The following MEGF6 variants were observed in gnomAD, a reference collection of about 807,000 sequenced individuals.
MEGF6 encodes the protein multiple EGF like domains 6.
MEGF6 carries 184 observed loss-of-function variants against 207.1 expected under a neutral mutation model. The observed-to-expected ratio is 0.89, with a 90% CI of 0.79 to 1.00. The LOEUF (loss-of-function observed/expected upper bound fraction) is 1.00. Ranked by LOEUF, MEGF6 falls within the 50% of genes least tolerant of loss-of-function variation. The pLI, the probability that MEGF6 is intolerant of heterozygous loss-of-function variation, is 0.00. For synonymous variants in MEGF6, 1,038 were observed against 910.0 expected (o/e 1.14, Z -2.53); for missense variants, 2,282 against 2,202.9 (o/e 1.04, Z -0.72).
chr1:3,526,744 G>A (rs952209987), intron 4 of MEGF6, among the ~76,000 whole-genome samples: 3 of 152,158 alleles, frequency 2.0e-5, no homozygotes, highest in Non-Finnish European at 4.4e-5. Flanking sequence ...CTGCAGCCGG[G>A]TTCACAGATC....
chr1:3,623,339 C>G, the MEGF6 span: 1 of 152,418 alleles, frequency 6.6e-6, no homozygotes, highest in Non-Finnish European at 1.5e-5. Flanking sequence ...TATTCTCCCA[C>G]TCACCAGCAC....
In MEGF6 at chr1:3,496,762, C is replaced by T; in HGVS notation, c.3635G>A (p.Gly1212Glu). The T allele has an allele frequency of 1.5e-5, 24 of 1,559,136 alleles. No individual in the cohort carries two copies. Among genetic ancestry groups the T allele is most frequent in the Non-Finnish European group, 2.0e-5 (23 of 1,151,926 alleles). The change falls in exon 29 of 37, where the codon GGG (glycine) becomes GAG (glutamate). Residue 1212 changes from glycine (G) to glutamate (E), a missense_variant. By Grantham distance (98) the Gly-to-Glu change is moderately conservative. Coordinates refer to ENST00000356575, the MANE Select transcript of MEGF6 (RefSeq NM_001409.4). ...CQQRCPPGRY[G>E]PGCEQLCGCL... is the part of the protein sequence containing the mutation. ...CCCACACAGCTGTTCACAGCCTGGC[C>T]CATACCGCCCGGGCGGACATCCTGC...
intron 4 of MEGF6, among the ~76,000 whole-genome samples, chr1:3,537,107 A>G (rs943020741): frequency 1.1e-4 from 16 of 152,208 alleles, no homozygotes; most frequent in Non-Finnish European, 2.9e-5. Flanking sequence ...CTGTGGGCAT[A>G]GTGGGGGCTG....
chr1:3,584,793 T>C (rs1396554128), intron 3 of MEGF6, among the ~76,000 whole-genome samples: 1 of 152,212 alleles, frequency 6.6e-6, no homozygotes, highest in Admixed American at 6.5e-5. Context: ...GGTAGGTCTC[T>C]GCCCGCAAGC....
intron 1 of MEGF6, among the ~76,000 whole-genome samples, chr1:3,605,567 CACAT>C (rs1644236378): frequency 6.6e-6 from 1 of 151,138 alleles, no homozygotes; most frequent in South Asian, 2.1e-4. Flanking sequence ...CTCATACACT[CACAT>C]ACACACACAT....
At chr1:3,596,794 C>T (rs1233957452) in intron 2 of MEGF6, among the ~76,000 whole-genome samples, 1 of 151,992 alleles carries the variant, frequency 6.6e-6, no homozygotes, top group Non-Finnish European at 1.5e-5. Context: ...GAGCATTTGG[C>T]AAGGGGCCTG....
At position 3,499,206 on chromosome 1, in the gene MEGF6, GC is replaced by G; in HGVS notation, c.3025del (p.Ala1009ProfsTer265). 1 of 1,604,848 alleles carries G rather than the reference GC, an allele frequency of 6.2e-7. No individual in the cohort carries two copies. The highest frequency in any genetic ancestry group is 8.5e-7 in the Non-Finnish European group (1 of 1,176,900). Reference sequence around the variant, plus strand: ...CTGCCCGTGGACAGGGTCACAGGAGGCCCCGTTAAAGCAGGCACAGGCCTGG... The same window carrying G: ...CTGCCCGTGGACAGGGTCACAGGAGGCCCGTTAAAGCAGGCACAGGCCTGG... ...CSQACACFNG[A>X]SCDPVHGQCH... On this transcript the variant is annotated frameshift_variant, in exon 24 of 37. Coordinates refer to ENST00000356575, the MANE Select transcript of MEGF6 (RefSeq NM_001409.4). LOFTEE classifies it high-confidence loss of function.
At chr1:3,562,980 T>C (rs1406380252) in intron 4 of MEGF6, among the ~76,000 whole-genome samples, 2 of 151,916 alleles carry the variant, frequency 1.3e-5, no homozygotes, top group African/African-American at 4.8e-5. Context: ...GAGGAAGGCT[T>C]TCAGGCACCT....
At position 3,527,341 on chromosome 1, in the gene MEGF6, C is replaced by T. The variant is rs559200132; in HGVS notation, c.482-3095G>A. On this transcript the variant is annotated intron_variant, in intron 4 of 36. Transcript: ENST00000356575. ...CTATGGAAACCCTGCTGCCCATCCACGCTCTGAGAATGTGCCTGCAACCCA... is the reference window on the plus strand; with the variant it reads ...CTATGGAAACCCTGCTGCCCATCCATGCTCTGAGAATGTGCCTGCAACCCA... 6.4e-4 allele frequency among the ~76,000 whole-genome samples: 97 copies of T among 152,366 alleles called. No homozygotes were observed. The South Asian group carries it at 0.013, about 20-fold the overall frequency.
rs752597392 is a variant in MEGF6, at chr1:3,611,278, C to A, written c.-10G>T. ...CTTCAAGGAACGACATCGTGCGCGC[C>A]GGTGCCTCCTCCGCTCTCCGGCTCA... On this transcript the variant is annotated 5_prime_UTR_variant, in exon 1 of 37. Transcript: ENST00000356575. 6 of 1,458,336 alleles carry A rather than the reference C, an allele frequency of 4.1e-6. No individual in the cohort carries two copies. In the South Asian group the frequency reaches 8.4e-5, roughly 20 times the overall value. The allele number at this position is 1,458,336 out of a possible 1,614,324, so 90.3% of individuals were successfully genotyped here. A position where few individuals can be genotyped will look rare whatever the true frequency, so the allele number is the denominator to read the frequency against.
chr1:3,492,917 G>T, intron 34 of MEGF6, 150 bp from the exon 35 acceptor site: 1 of 1,102,986 alleles, frequency 9.1e-7, no homozygotes, highest in South Asian at 1.6e-5. Flanking sequence ...TTGGGCCTCG[G>T]TTTCCCCTGA....
At chr1:3,578,424 T>G (rs1228181656) in intron 4 of MEGF6, among the ~76,000 whole-genome samples, 1 of 152,114 alleles carries the variant, frequency 6.6e-6, no homozygotes, top group Non-Finnish European at 1.5e-5. Context: ...GGACCCCACC[T>G]GTCCTCGGAA....
intron 4 of MEGF6, among the ~76,000 whole-genome samples, chr1:3,526,352 C>G (rs1641962429): frequency 6.6e-6 from 1 of 152,108 alleles, no homozygotes; most frequent in South Asian, 2.1e-4. Context: ...TGGGCATTGC[C>G]CCAGCCACCG....
chr1:3,565,958 G>GC lies in MEGF6; in HGVS notation c.481+13866dup, dbSNP rs1557780661. On this transcript the variant is annotated intron_variant, in intron 4 of 36. Coordinates refer to ENST00000356575, the MANE Select transcript of MEGF6 (RefSeq NM_001409.4). This position sits in a 1 kb window ranked among gnomAD's most constrained non-coding sequence, Gnocchi z 4.8. Reference sequence around the variant, plus strand: ...CTCAGGGTCAGCTGCTATAGGACCCGCCGTGGACCACTGCCCTGCAGGTTC... The same window carrying GC: ...CTCAGGGTCAGCTGCTATAGGACCCGCCCGTGGACCACTGCCCTGCAGGTTC... Among the ~76,000 whole-genome samples, 2 of 152,266 alleles carry GC rather than the reference G, an allele frequency of 1.3e-5. No homozygotes were observed. The highest frequency in any genetic ancestry group is 4.8e-5 in the African/African-American group (2 of 41,564).
At chr1:3,584,589 C>T (rs1003704187) in intron 3 of MEGF6, among the ~76,000 whole-genome samples, 5 of 152,226 alleles carry the variant, frequency 3.3e-5, no homozygotes, top group Admixed American at 1.3e-4. Context: ...TGGTGACTGG[C>T]GCCACGTCTG....
At chr1:3,616,582 G>T in the MEGF6 span, among the ~76,000 whole-genome samples, 3 of 151,720 alleles carry the variant, frequency 2.0e-5, no homozygotes, top group African/African-American at 7.3e-5. Context: ...GGAGGCCGGG[G>T]GTGAGAGACG....
intron 2 of MEGF6, among the ~76,000 whole-genome samples, chr1:3,599,231 G>A (rs1254144945): frequency 1.3e-5 from 2 of 152,212 alleles, no homozygotes; most frequent in Admixed American, 6.5e-5. Flanking sequence ...AGGCTTTGGC[G>A]GGTTCCCACC....
At position 3,490,393 on chromosome 1, in the gene MEGF6, C is replaced by T; in HGVS notation, c.*135G>A. Reference sequence around the variant, plus strand: ...GAGCGACAGGTTGCTGGGCTGTCCACAGCCCTCCACGGCCCTCAAAGGAAG... The same window carrying T: ...GAGCGACAGGTTGCTGGGCTGTCCATAGCCCTCCACGGCCCTCAAAGGAAG... On this transcript the variant is annotated 3_prime_UTR_variant, in exon 37 of 37. Transcript: ENST00000356575. 3 of 989,782 alleles carry T rather than the reference C, an allele frequency of 3.0e-6. No individual in the cohort carries two copies. The highest frequency in any genetic ancestry group is 2.9e-5 in the South Asian group (2 of 68,070). The allele number at this position is 989,782 out of a possible 1,614,324, so 61.3% of individuals were successfully genotyped here.
chr1:3,600,084 C>T (rs374298902), intron 2 of MEGF6, among the ~76,000 whole-genome samples: 4 of 152,164 alleles, frequency 2.6e-5, no homozygotes, highest in Non-Finnish European at 4.4e-5. Context: ...TCAGCTGCCC[C>T]GGCCTGGGCT....
Sources: allele counts gnomAD v4.1 joint callset (sites outside exome capture counted in the v4.1 genomes callset), GRCh38; gene constraint gnomAD v4.1.1; non-coding constraint Gnocchi (gnomAD v3.1); transcripts MANE v1.5; gene names NCBI Gene and HGNC (gene_info 2026-07-23, HGNC 2026-07-21).